TENM2: variants seen among roughly 807,000 people sequenced by gnomAD.
TENM2 encodes teneurin transmembrane protein 2.
A neutral mutation model predicts 245.2 loss-of-function variants in TENM2; 52 were observed. That is an observed-to-expected ratio of 0.21 (90% CI 0.17 to 0.27). TENM2 has a LOEUF of 0.27. TENM2 is among the 10% of genes least tolerant of loss of function. TENM2 has a pLI of 1.00. For synonymous variants in TENM2, 1,363 were observed against 1,438.9 expected (o/e 0.95, Z 1.19); for missense variants, 3,046 against 3,666.8 (o/e 0.83, Z 4.37).
At chr5:167,874,301 C>G (rs531940926) in intron 2 of TENM2, among the ~76,000 whole-genome samples, 1 of 152,236 alleles carries the variant, frequency 6.6e-6, no homozygotes, top group Admixed American at 6.5e-5. Context: ...ATTTTTGTAT[C>G]CTCAATGTCT....
At chr5:168,190,228 G>A in intron 13 of TENM2, 109 bp from the exon 16 acceptor site, 1 of 755,826 alleles carries the variant, frequency 1.3e-6, no homozygotes, top group South Asian at 1.8e-5. Context: ...CAGGCCCTTG[G>A]GTACGTTTGA....
Position 167,805,388 on chromosome 5 carries a change from T to A in TENM2, c.503-70598T>A, listed in dbSNP as rs573489343. On this transcript the variant is annotated intron_variant, in intron 2 of 28. Transcript: ENST00000518659. ...CTGAGAAAAGGTTCAGACGCCTGTG[T>A]TTTTATGAAGCTTTCCTGTGATTCT... is the stretch of plus-strand genomic sequence containing the variant. 2.8e-4 allele frequency among the ~76,000 whole-genome samples: 42 copies of A among 152,258 alleles called. No individual in the cohort carries two copies. The East Asian group carries it at 7.7e-3, about 28-fold the overall frequency.
intron 14 of TENM2, 70 bp downstream of exon 16, chr5:168,190,617 C>T (rs1760867880): frequency 3.5e-6 from 5 of 1,423,376 alleles, no homozygotes; most frequent in Admixed American, 1.9e-5. Flanking sequence ...AGAGGCAGTT[C>T]TCCAGCTTTC....
At chr5:167,977,617 C>G (rs1782538837) in intron 4 of TENM2, among the ~76,000 whole-genome samples, 1 of 152,170 alleles carries the variant, frequency 6.6e-6, no homozygotes, top group Admixed American at 6.5e-5. Flanking sequence ...CTGCTGCCAC[C>G]TGGCTCCTTG....
chr5:167,103,310 T>C, the TENM2 span, among the ~76,000 whole-genome samples: 1 of 152,206 alleles, frequency 6.6e-6, no homozygotes, highest in African/African-American at 2.4e-5. Context: ...ATTTATATTG[T>C]TTTATGGTAT....
At position 168,218,585 on chromosome 5, in the gene TENM2, T is replaced by G. The variant is rs1221117192; in HGVS notation, c.4694T>G (p.Ile1565Ser). The G allele has an allele frequency of 3.7e-6, 6 of 1,613,998 alleles. No homozygotes were observed. The highest frequency in any genetic ancestry group is 5.1e-6 in the Non-Finnish European group (6 of 1,179,888). ...ATTTACATTGCAGACCTTGGAAATA[T>G]TCGGATCAGGGCGGTCAGCAAGAAC... The change falls in exon 23 of 29, where the codon ATT (isoleucine) becomes AGT (serine). Residue 1565 changes from isoleucine (I) to serine (S), a missense_variant. This residue lies in a region of TENM2 where 2,704 missense variants were observed against 3,331.9 expected (regional missense o/e 0.81). Transcript: ENST00000518659. This position sits in a 1 kb window ranked among gnomAD's most constrained non-coding sequence, Gnocchi z 5.2.
chr5:167,610,058 A>G (rs1050135471), intron 2 of TENM2, among the ~76,000 whole-genome samples: 1 of 152,060 alleles, frequency 6.6e-6, no homozygotes, highest in East Asian at 1.9e-4. Context: ...TCTTAAATTC[A>G]ATTAATTTGC....
At position 168,125,093 on chromosome 5, in the gene TENM2, C is replaced by T. The variant is rs1581383602; in HGVS notation, c.2209+43C>T. On this transcript the variant is annotated intron_variant, in intron 11 of 28. Transcript: ENST00000518659. ...CTCCTTCCTCTCTCCAACACTCCTGCCCTGTGTTCCATCCCATTCTCAGAT... is the reference window on the plus strand; with the variant it reads ...CTCCTTCCTCTCTCCAACACTCCTGTCCTGTGTTCCATCCCATTCTCAGAT... 4 of 1,519,112 alleles carry T rather than the reference C, an allele frequency of 2.6e-6. No individual in the cohort carries two copies. In the South Asian group the frequency reaches 4.8e-5, roughly 18 times the overall value. 94.1% of individuals were successfully genotyped at this position (1,519,112 alleles called of 1,614,324 possible). A position where few individuals can be genotyped will look rare whatever the true frequency, so the allele number is the denominator to read the frequency against.
intron 2 of TENM2, among the ~76,000 whole-genome samples, chr5:167,863,322 G>A (rs764784301): frequency 6.6e-6 from 1 of 152,100 alleles, no homozygotes. Context: ...TTTCTTTAAA[G>A]TACTGATGCT....
intron 2 of TENM2, among the ~76,000 whole-genome samples, chr5:167,489,283 AC>A (rs749241554): frequency 2.0e-5 from 3 of 152,174 alleles, no homozygotes; most frequent in Non-Finnish European, 4.4e-5. Context: ...ATCTGGCTCT[AC>A]TGACCTTTCA....
At chr5:167,342,080 G>T (rs1411734649) in intron 1 of TENM2, among the ~76,000 whole-genome samples, 1 of 152,196 alleles carries the variant, frequency 6.6e-6, no homozygotes, top group Non-Finnish European at 1.5e-5. Context: ...TCTTGCAATA[G>T]TATGGTGTCA....
intron 4 of TENM2, among the ~76,000 whole-genome samples, chr5:167,955,408 T>G (rs1340110974): frequency 6.6e-6 from 1 of 152,190 alleles, no homozygotes; most frequent in East Asian, 1.9e-4. Context: ...TTTCTCCCAT[T>G]CTATAGATTG....
intron 5 of TENM2, among the ~76,000 whole-genome samples, chr5:168,015,118 T>C (rs1785548993): frequency 6.6e-6 from 1 of 152,164 alleles, no homozygotes; most frequent in South Asian, 2.1e-4. Flanking sequence ...GGACCACAGA[T>C]GGAAAGGAAA....
chr5:167,983,782 TTAGTAACATCCC>T (rs990163618), intron 4 of TENM2, among the ~76,000 whole-genome samples: 17 of 152,148 alleles, frequency 1.1e-4, no homozygotes, highest in Non-Finnish European at 2.9e-5. Flanking sequence ...AAGAAGCACA[TTAGTAACATCCC>T]TAGTCCCTTC....
chr5:167,581,812 G>T (rs572361444), intron 2 of TENM2, among the ~76,000 whole-genome samples: 27 of 151,214 alleles, frequency 1.8e-4, no homozygotes, highest in Non-Finnish European at 3.0e-4. Context: ...ATGCCAAAAT[G>T]AAAAAGACAC....
At chr5:167,856,106 AG>A (rs1771074213) in intron 2 of TENM2, among the ~76,000 whole-genome samples, 1 of 152,112 alleles carries the variant, frequency 6.6e-6, no homozygotes, top group Non-Finnish European at 1.5e-5. Context: ...AAACTATTTT[AG>A]TTTGGTACAC....
At chr5:167,366,477 G>A (rs1005863830) in intron 1 of TENM2, among the ~76,000 whole-genome samples, 1 of 152,074 alleles carries the variant, frequency 6.6e-6, no homozygotes, top group Non-Finnish European at 1.5e-5. Context: ...CCGCTGCTTT[G>A]TGTCATTCAG....
intron 11 of TENM2, among the ~76,000 whole-genome samples, chr5:168,126,342 G>A (rs1388395381): frequency 6.6e-6 from 1 of 152,128 alleles, no homozygotes; most frequent in Non-Finnish European, 1.5e-5. Context: ...GTACTTCCCG[G>A]TTAGCTTTGC....
chr5:167,380,310 T>C (rs1187823699), intron 2 of TENM2, among the ~76,000 whole-genome samples: 1 of 152,180 alleles, frequency 6.6e-6, no homozygotes. Context: ...AATGTAAGAA[T>C]ATCACATTGT....
Sources: allele counts gnomAD v4.1 joint callset (sites outside exome capture counted in the v4.1 genomes callset), GRCh38; gene constraint gnomAD v4.1.1; regional missense constraint gnomAD v4.1.1; non-coding constraint Gnocchi (gnomAD v3.1); transcripts MANE v1.5; gene names NCBI Gene and HGNC (gene_info 2026-07-23, HGNC 2026-07-21).